The following BANK1 variants were observed in gnomAD, a reference collection of about 807,000 sequenced individuals.
BANK1 encodes B cell scaffold protein with ankyrin repeats 1.
BANK1 carries 95 observed loss-of-function variants against 94.5 expected under a neutral mutation model. That is an observed-to-expected ratio of 1.00 (90% CI 0.85 to 1.19). BANK1 has a LOEUF of 1.19. Ranked by LOEUF, BANK1 falls within the 50% of genes most tolerant of loss-of-function variation. BANK1 has a pLI of 0.00. For synonymous variants in BANK1, 334 were observed against 308.4 expected, an observed-to-expected ratio of 1.08 and a Z score of -0.87; for missense variants, 987 against 932.2, an observed-to-expected ratio of 1.06 and a Z score of -0.77.
intron 4 of BANK1, 26 bp from the exon 5 acceptor site, chr4:101,870,479 C>A: frequency 6.2e-7 from 1 of 1,602,602 alleles, no homozygotes; most frequent in South Asian, 1.1e-5. Flanking sequence ...ATACTCTGCC[C>A]CTAACCCTTG....
chr4:101,895,294 C>T lies in BANK1; in HGVS notation c.904-11C>T. ...AACCTAGTGAAAATTTTCTTTTTCA[C>T]TTGAAAACAGAATAGCATTGAAGAA... On this transcript the variant is annotated splice_polypyrimidine_tract_variant and intron_variant, in intron 5 of 16. Transcript: ENST00000322953. The T allele has an allele frequency of 6.6e-7, 1 of 1,505,846 alleles. No individual in the cohort carries two copies. Among genetic ancestry groups the T allele is most frequent in the South Asian group, 1.3e-5 (1 of 79,074 alleles). 93.3% of individuals were successfully genotyped at this position (1,505,846 alleles called of 1,614,324 possible). A position where few individuals can be genotyped will look rare whatever the true frequency, so the allele number is the denominator to read the frequency against.
chr4:102,067,879 A>G (rs1426143375), intron 13 of BANK1, among the ~76,000 whole-genome samples: 1 of 152,102 alleles, frequency 6.6e-6, no homozygotes, highest in Non-Finnish European at 1.5e-5. Flanking sequence ...GTTCACCAAG[A>G]TGAAACATAG....
intron 11 of BANK1, among the ~76,000 whole-genome samples, chr4:102,044,773 T>C (rs571922221): frequency 0.016 from 1,408 of 85,870 alleles, 54 homozygotes; most frequent in African/African-American, 0.062. Context: ...TGCATTTCTC[T>C]GATGGCCAGT....
chr4:101,805,670 G>A lies in BANK1; in HGVS notation c.70+14720G>A, dbSNP rs1725527328. ...AAATAAGTTTGTATATTATTTATATGTACAGCCTCAGATAAATATACAAAT... is the reference window on the plus strand; with the variant it reads ...AAATAAGTTTGTATATTATTTATATATACAGCCTCAGATAAATATACAAAT... On this transcript the variant is annotated intron_variant, in intron 1 of 16. Transcript: ENST00000322953. Among the ~76,000 whole-genome samples the A allele has an allele frequency of 2.0e-5, 3 of 150,008 alleles. No homozygotes were observed. In the South Asian group the frequency reaches 6.3e-4, roughly 31 times the overall value.
intron 5 of BANK1, among the ~76,000 whole-genome samples, chr4:101,881,510 T>C (rs1264928286): frequency 6.6e-6 from 1 of 151,594 alleles, no homozygotes; most frequent in Non-Finnish European, 1.5e-5. Context: ...AGTTTGGAGG[T>C]TCCTGAAGAA....
At chr4:101,974,939 A>G (rs2036425842) in intron 7 of BANK1, among the ~76,000 whole-genome samples, 1 of 152,168 alleles carries the variant, frequency 6.6e-6, no homozygotes, top group African/African-American at 2.4e-5. Flanking sequence ...CCTGAGCAAC[A>G]AGAGTGAAAC....
At chr4:101,908,567 A>C (rs1722547889) in intron 6 of BANK1, among the ~76,000 whole-genome samples, 1 of 152,340 alleles carries the variant, frequency 6.6e-6, no homozygotes, top group East Asian at 1.9e-4. Context: ...GTATCTAATT[A>C]AACCAAAGAG....
At chr4:101,820,170 C>T (rs990105555) in intron 1 of BANK1, among the ~76,000 whole-genome samples, 2 of 152,182 alleles carry the variant, frequency 1.3e-5, no homozygotes, top group African/African-American at 4.8e-5. Flanking sequence ...TGTTAAAATA[C>T]AACCATATTG....
At chr4:101,965,450 T>C (rs185811707) in intron 7 of BANK1, among the ~76,000 whole-genome samples, 17 of 152,190 alleles carry the variant, frequency 1.1e-4, no homozygotes, top group South Asian at 6.2e-4. Flanking sequence ...GCCTGTGTCT[T>C]CTTAATTAAA....
chr4:101,793,875 T>C (rs1359011997), intron 1 of BANK1, among the ~76,000 whole-genome samples: 1 of 152,116 alleles, frequency 6.6e-6, no homozygotes, highest in Non-Finnish European at 1.5e-5. Flanking sequence ...ATCAGTAGTG[T>C]CATATTAGCT....
intron 6 of BANK1, among the ~76,000 whole-genome samples, chr4:101,907,858 G>C (rs992740080): frequency 6.6e-6 from 1 of 152,110 alleles, no homozygotes; most frequent in African/African-American, 2.4e-5. Flanking sequence ...GGGATGTGAA[G>C]GACCTCTTCA....
intron 13 of BANK1, among the ~76,000 whole-genome samples, chr4:102,063,616 G>A (rs941727328): frequency 1.3e-5 from 2 of 151,686 alleles, no homozygotes; most frequent in Non-Finnish European, 2.9e-5. Flanking sequence ...TTGAGGATAG[G>A]AGTTCAAGAC....
At chr4:101,955,442 A>G (rs1274931385) in intron 7 of BANK1, among the ~76,000 whole-genome samples, 1 of 152,134 alleles carries the variant, frequency 6.6e-6, no homozygotes, top group Non-Finnish European at 1.5e-5. Context: ...CCTTCTATCT[A>G]TAATACTGCC....
intron 1 of BANK1, among the ~76,000 whole-genome samples, chr4:101,806,134 TAAAAAC>T (rs1000458244): frequency 2.6e-5 from 4 of 152,072 alleles, no homozygotes; most frequent in South Asian, 2.1e-4. Context: ...AAATATGTAA[TAAAAAC>T]AAAAAACTGG....
intron 7 of BANK1, among the ~76,000 whole-genome samples, chr4:101,951,097 T>G (rs992428542): frequency 1.3e-5 from 2 of 152,120 alleles, no homozygotes; most frequent in African/African-American, 4.8e-5. Context: ...GAGTAAAATA[T>G]GGATGTTAGT....
intron 11 of BANK1, among the ~76,000 whole-genome samples, chr4:102,052,864 T>C (rs1423844574): frequency 6.6e-6 from 1 of 152,028 alleles, no homozygotes; most frequent in Non-Finnish European, 1.5e-5. Context: ...CAGCAGAAAT[T>C]TGAGGTTAGG....
Position 101,943,836 on chromosome 4 carries a change from C to T in BANK1, c.1206+25647C>T, listed in dbSNP as rs150550900. On this transcript the variant is annotated intron_variant, in intron 7 of 16. Transcript: ENST00000322953. ...GCTCAAGCTCTGAAACTATACTGCC[C>T]GATTTTCTGGATTTGAATACTACTT... Among the ~76,000 whole-genome samples the T allele has an allele frequency of 3.8e-3, 570 of 151,732 alleles. 4 individuals carry two copies. Among genetic ancestry groups the T allele is most frequent in the African/African-American group, 0.013 (530 of 41,438 alleles).
chr4:101,980,591 T>A (rs2148927204), intron 7 of BANK1, among the ~76,000 whole-genome samples: 1 of 152,022 alleles, frequency 6.6e-6, no homozygotes, highest in African/African-American at 2.4e-5. Context: ...TGTCTTGACA[T>A]TCAAACTTTA....
intron 13 of BANK1, among the ~76,000 whole-genome samples, chr4:102,070,971 G>A (rs1255958815): frequency 2.6e-5 from 4 of 152,166 alleles, no homozygotes; most frequent in African/African-American, 9.7e-5. Flanking sequence ...AAAGAATGAA[G>A]TAGCTCAAGC....
Sources: gnomAD v4.1 joint callset for allele counts (sites outside exome capture counted in the v4.1 genomes callset) on GRCh38, gnomAD v4.1.1 for gene constraint, MANE v1.5 for transcripts, NCBI Gene and HGNC (gene_info 2026-07-23, HGNC 2026-07-21) for gene names.